The following VRK1 variants were observed in gnomAD, a reference collection of about 807,000 sequenced individuals.
The protein encoded by VRK1 is VRK serine/threonine kinase 1.
A neutral mutation model predicts 57.1 loss-of-function variants in VRK1; 33 were observed. The ratio of observed to expected loss-of-function variants is 0.58; its 90% confidence interval spans 0.44 to 0.77. The LOEUF (loss-of-function observed/expected upper bound fraction) is 0.77, where lower values mean the gene tolerates loss of function less well. VRK1 is among the 30% of genes least tolerant of loss of function. The probability of loss-of-function intolerance (pLI) is 0.00; values close to 1 mark genes in which losing one functional copy is unlikely to be tolerated. For missense variants in VRK1, 413 were observed against 477.3 expected, an observed-to-expected ratio of 0.87 and a Z score of 1.25; for synonymous variants, 137 against 147.8, an observed-to-expected ratio of 0.93 and a Z score of 0.53.
intron 1 of VRK1, among the ~76,000 whole-genome samples, chr14:96,827,879 A>G (rs1196836251): frequency 1.3e-5 from 2 of 152,204 alleles, no homozygotes; most frequent in East Asian, 1.9e-4. Context: ...AATAATAAGT[A>G]TACTTCTTGA....
intron 2 of VRK1, 55 bp downstream of exon 2, chr14:96,833,686 G>T: frequency 6.2e-7 from 1 of 1,610,844 alleles, no homozygotes; most frequent in South Asian, 1.1e-5. Flanking sequence ...GTTTTCTTAT[G>T]AAAATGGTTT....
chr14:96,810,378 A>C (rs894806360), intron 1 of VRK1, among the ~76,000 whole-genome samples: 4 of 152,076 alleles, frequency 2.6e-5, no homozygotes, highest in African/African-American at 9.7e-5. Flanking sequence ...GTGTTTAAGA[A>C]GTTTTTGCTA....
intron 11 of VRK1, among the ~76,000 whole-genome samples, chr14:96,872,755 A>G (rs1003667212): frequency 6.6e-6 from 1 of 152,206 alleles, no homozygotes; most frequent in Non-Finnish European, 1.5e-5. Flanking sequence ...TATTAGTTTC[A>G]TAAATATTGT....
At chr14:96,817,427 T>A (rs910708238) in intron 1 of VRK1, among the ~76,000 whole-genome samples, 5 of 152,170 alleles carry the variant, frequency 3.3e-5, no homozygotes, top group African/African-American at 1.2e-4. Context: ...CAGTTTTCTT[T>A]ATGGCTTGCG....
Position 96,811,286 on chromosome 14 carries a change from G to GT in VRK1, c.-6+13840dup, listed in dbSNP as rs1216731961. 2.6e-5 allele frequency among the ~76,000 whole-genome samples: 4 copies of GT among 152,230 alleles called. 1 individual carries two copies. Among genetic ancestry groups the GT allele is most frequent in the South Asian group, 4.1e-4 (2 of 4,822 alleles). On this transcript the variant is annotated intron_variant, in intron 1 of 12. Transcript: ENST00000216639. Reference sequence around the variant, plus strand: ...CCAGGAGCTCATCATGCTTTGTTTAGTAAGTCATGGTAGAAGACACCAATT... The same window carrying GT: ...CCAGGAGCTCATCATGCTTTGTTTAGTTAAGTCATGGTAGAAGACACCAATT...
At chr14:96,843,090 T>C (rs1887530754) in intron 3 of VRK1, among the ~76,000 whole-genome samples, 1 of 152,228 alleles carries the variant, frequency 6.6e-6, no homozygotes, top group South Asian at 2.1e-4. Context: ...TGTTCTCACA[T>C]GTACCAAATG....
At chr14:96,873,806 T>C (rs1229381149) in intron 11 of VRK1, among the ~76,000 whole-genome samples, 1 of 152,246 alleles carries the variant, frequency 6.6e-6, no homozygotes, top group East Asian at 1.9e-4. Flanking sequence ...ATTTTGGTTT[T>C]TTAATTGGTC....
chr14:96,832,030 C>T (rs1170050893), intron 1 of VRK1, among the ~76,000 whole-genome samples: 1 of 151,464 alleles, frequency 6.6e-6, no homozygotes, highest in Non-Finnish European at 1.5e-5. Flanking sequence ...AAATAAGAGA[C>T]ACTTTTATTT....
chr14:96,839,785 T>C (rs544256301), intron 3 of VRK1, among the ~76,000 whole-genome samples: 1 of 152,224 alleles, frequency 6.6e-6, no homozygotes, highest in African/African-American at 2.4e-5. Flanking sequence ...CAGATACGTG[T>C]TTTAAACATT....
chr14:96,808,017 CTGTGTGTGTGTGTG>C (rs3049309), intron 1 of VRK1, among the ~76,000 whole-genome samples: 5 of 127,334 alleles, frequency 3.9e-5, no homozygotes, highest in South Asian at 2.8e-4. Flanking sequence ...CTCTCTCCCT[CTGTGTGTGTGTGTG>C]TGTGTGTGTG....
At chr14:96,835,271 T>A (rs1356896760) in intron 2 of VRK1, among the ~76,000 whole-genome samples, 5 of 152,238 alleles carry the variant, frequency 3.3e-5, no homozygotes, top group Admixed American at 6.5e-5. Context: ...TCTTTGCATT[T>A]TCTTTTCTGT....
intron 2 of VRK1, among the ~76,000 whole-genome samples, chr14:96,834,016 G>A (rs958877081): frequency 7.8e-4 from 119 of 152,258 alleles, no homozygotes; most frequent in African/African-American, 2.8e-3. Flanking sequence ...TTACAAGTGT[G>A]AGTTTCTTTT....
intron 10 of VRK1, chr14:96,858,964 C>T (rs937565305): frequency 6.6e-6 from 1 of 152,204 alleles, no homozygotes; most frequent in Non-Finnish European, 1.5e-5. Flanking sequence ...GAATTTGACT[C>T]TGTAGACCAA....
intron 7 of VRK1, among the ~76,000 whole-genome samples, chr14:96,853,460 A>G (rs1888029620): frequency 6.6e-6 from 1 of 152,152 alleles, no homozygotes; most frequent in South Asian, 2.1e-4. Flanking sequence ...TAGTACACCA[A>G]TGAATTATGT....
chr14:96,805,140 GTTAT>G (rs992079051), intron 1 of VRK1, among the ~76,000 whole-genome samples: 1 of 152,186 alleles, frequency 6.6e-6, no homozygotes, highest in East Asian at 1.9e-4. Context: ...AGACTCAGGG[GTTAT>G]TTAATCAGTA....
chr14:96,850,365 G>A (rs1268978366), intron 5 of VRK1, among the ~76,000 whole-genome samples: 5 of 152,036 alleles, frequency 3.3e-5, no homozygotes, highest in Non-Finnish European at 7.4e-5. Flanking sequence ...TCTTTTACTT[G>A]CACATTTTAT....
At chr14:96,879,651 G>A (rs35696772) in intron 12 of VRK1, among the ~76,000 whole-genome samples, 1,888 of 152,104 alleles carry the variant, frequency 0.012, 34 homozygotes, top group African/African-American at 0.043. Context: ...GAAATAGGCC[G>A]GGCGCAGTGG....
At chr14:96,864,980 T>C (rs1888528320) in intron 11 of VRK1, among the ~76,000 whole-genome samples, 1 of 152,172 alleles carries the variant, frequency 6.6e-6, no homozygotes, top group Admixed American at 6.5e-5. Flanking sequence ...GAATACTTTG[T>C]ATGTAAACAA....
intron 5 of VRK1, among the ~76,000 whole-genome samples, chr14:96,849,786 T>C (rs1294526424): frequency 6.6e-6 from 1 of 152,204 alleles, no homozygotes; most frequent in Non-Finnish European, 1.5e-5. Context: ...ATGATGGTCT[T>C]TTTAAAAGTA....
Sources: allele counts gnomAD v4.1 joint callset (sites outside exome capture counted in the v4.1 genomes callset), GRCh38; gene constraint gnomAD v4.1.1; transcripts MANE v1.5; gene names NCBI Gene and HGNC (gene_info 2026-07-23, HGNC 2026-07-21).